Variants in CFAP54 observed in about 807,000 individuals in gnomAD.
The protein encoded by CFAP54 is cilia- and flagella-associated protein 54.
Under a neutral mutation model 370.4 loss-of-function variants are expected in CFAP54, and 290 were observed. The observed-to-expected ratio is 0.78, with a 90% CI of 0.71 to 0.86. The LOEUF is 0.86. CFAP54 is among the 40% of genes least tolerant of loss of function. The probability of loss-of-function intolerance (pLI) is 0.00; values close to 1 mark genes in which losing one functional copy is unlikely to be tolerated. For missense variants in CFAP54, 3,399 were observed against 3,528.7 expected, an observed-to-expected ratio of 0.96 and a Z score of 0.93; for synonymous variants, 1,206 against 1,236.5, an observed-to-expected ratio of 0.98 and a Z score of 0.52.
intron 63 of CFAP54, among the ~76,000 whole-genome samples, chr12:96,809,968 T>C (rs1483122419): frequency 2.6e-5 from 4 of 152,162 alleles, no homozygotes; most frequent in African/African-American, 9.7e-5. Context: ...ACCTGAGCGT[T>C]GTACCTAACG....
At chr12:96,746,353 T>G (rs1958114293) in intron 55 of CFAP54, among the ~76,000 whole-genome samples, 1 of 152,166 alleles carries the variant, frequency 6.6e-6, no homozygotes, top group Admixed American at 6.5e-5. Flanking sequence ...CTCTTCCTCT[T>G]CTTTCCTCCC....
intron 14 of CFAP54, among the ~76,000 whole-genome samples, chr12:96,547,412 C>G (rs1955651711): frequency 6.6e-6 from 1 of 152,100 alleles, no homozygotes; most frequent in African/African-American, 2.4e-5. Context: ...GTCTTGAACT[C>G]CTGACCTCAG....
intron 47 of CFAP54, among the ~76,000 whole-genome samples, chr12:96,705,725 T>G (rs1957539939): frequency 6.6e-6 from 1 of 152,220 alleles, no homozygotes; most frequent in South Asian, 2.1e-4. Flanking sequence ...GTACCGTTGG[T>G]CTGCTTAAGA....
chr12:96,578,162 G>T (rs1191817591), intron 20 of CFAP54, among the ~76,000 whole-genome samples: 1 of 152,206 alleles, frequency 6.6e-6, no homozygotes, highest in African/African-American at 2.4e-5. Flanking sequence ...CCTGTAATCT[G>T]TCAAGCTCTG....
chr12:96,793,234 T>C (rs1958721658), intron 63 of CFAP54, among the ~76,000 whole-genome samples: 1 of 152,172 alleles, frequency 6.6e-6, no homozygotes, highest in African/African-American at 2.4e-5. Flanking sequence ...ATCATTCTTA[T>C]ACATTTGCAT....
chr12:96,734,965 TTGA>T, intron 50 of CFAP54, among the ~76,000 whole-genome samples: 1 of 152,312 alleles, frequency 6.6e-6, no homozygotes, highest in East Asian at 1.9e-4. Flanking sequence ...AAAGAGACTG[TTGA>T]TAAATGGTCA....
chr12:96,825,238 G>C (rs561223325), intron 65 of CFAP54, among the ~76,000 whole-genome samples: 16 of 116,910 alleles, frequency 1.4e-4, no homozygotes, highest in Non-Finnish European at 2.7e-4. Context: ...CCCACATCTA[G>C]GATCCTAGAT....
chr12:96,827,844 A>AT (rs1959138512), intron 65 of CFAP54, among the ~76,000 whole-genome samples: 1 of 112,676 alleles, frequency 8.9e-6, no homozygotes, highest in Non-Finnish European at 1.7e-5. Context: ...TATAATATAT[A>AT]ATTATATATA....
intron 12 of CFAP54, among the ~76,000 whole-genome samples, chr12:96,536,987 ACAATT>A (rs78301597): frequency 0.1 from 15,343 of 147,460 alleles, 1,260 homozygotes; most frequent in East Asian, 0.45. Flanking sequence ...TCAATTCAAT[ACAATT>A]CAATTCAATT....
chr12:96,493,633 C>T (rs973762325), intron 1 of CFAP54, among the ~76,000 whole-genome samples: 1 of 152,116 alleles, frequency 6.6e-6, no homozygotes, highest in Non-Finnish European at 1.5e-5. Flanking sequence ...CCTGTCTCTA[C>T]TAAAAATACA....
chr12:96,571,716 T>C (rs1261364826), intron 19 of CFAP54, among the ~76,000 whole-genome samples: 1 of 151,806 alleles, frequency 6.6e-6, no homozygotes, highest in Non-Finnish European at 1.5e-5. Flanking sequence ...GAATTTTTCC[T>C]TCTTGATTTT....
intron 66 of CFAP54, among the ~76,000 whole-genome samples, chr12:96,856,196 TGAA>T (rs1959699540): frequency 6.6e-6 from 1 of 152,162 alleles, no homozygotes; most frequent in Non-Finnish European, 1.5e-5. Flanking sequence ...ACCCGGCCCC[TGAA>T]GCCATTTTTC....
Position 96,730,709 on chromosome 12 carries a change from G to A in CFAP54, c.6966-9247G>A, listed in dbSNP as rs114125608. On this transcript the variant is annotated intron_variant, in intron 50 of 67. Transcript: ENST00000524981. ...GAGTTGCATTTAAGACTTTTAGACT[G>A]TCATTCTCTTTAAACAGGAGAATCC... Among the ~76,000 whole-genome samples the A allele has an allele frequency of 4.3e-3, 657 of 152,222 alleles. 5 individuals carry two copies. Among genetic ancestry groups the A allele is most frequent in the African/African-American group, 0.015 (629 of 41,542 alleles).
chr12:96,764,382 GGAGGCT>G (rs1448359016), intron 59 of CFAP54, 133 bp downstream of exon 59: 5 of 590,132 alleles, frequency 8.5e-6, no homozygotes, highest in African/African-American at 7.7e-5. Flanking sequence ...CAGCACTTTG[GGAGGCT>G]GAGGCAGGAG....
At chr12:96,725,856 A>G (rs2136617641) in intron 50 of CFAP54, among the ~76,000 whole-genome samples, 1 of 151,596 alleles carries the variant, frequency 6.6e-6, no homozygotes, top group South Asian at 2.1e-4. Context: ...TCCCATCAAT[A>G]CCTAATTTAT....
intron 55 of CFAP54, among the ~76,000 whole-genome samples, chr12:96,750,341 T>C (rs1402990249): frequency 6.6e-6 from 1 of 152,152 alleles, no homozygotes; most frequent in Non-Finnish European, 1.5e-5. Flanking sequence ...TTGGATTAGA[T>C]TGGGAAAGGG....
chr12:96,557,908 A>C lies in CFAP54; in HGVS notation c.2410+3106A>C, dbSNP rs78888101. Among the ~76,000 whole-genome samples the C allele has an allele frequency of 7.1e-3, 1,081 of 152,276 alleles. 31 individuals carry two copies. Among genetic ancestry groups the C allele is most frequent in the East Asian group, 0.056 (288 of 5,180 alleles). On this transcript the variant is annotated intron_variant, in intron 17 of 67. Coordinates refer to ENST00000524981, the MANE Select transcript of CFAP54 (RefSeq NM_001306084.2). ...TAGTTATCAGGTATGCAGGTAGTCC[A>C]TAAAGTCTGGAAACATAGACATATG...
chr12:96,612,655 G>T (rs558674222), intron 26 of CFAP54, among the ~76,000 whole-genome samples: 1 of 152,170 alleles, frequency 6.6e-6, no homozygotes, highest in Admixed American at 6.5e-5. Context: ...TCTCACATGC[G>T]GAGACCACAC....
chr12:96,527,001 T>G (rs996263028), intron 8 of CFAP54, among the ~76,000 whole-genome samples: 2 of 149,438 alleles, frequency 1.3e-5, no homozygotes, highest in Non-Finnish European at 3.0e-5. Context: ...GCTCAGGTGA[T>G]CCTCCCACCT....
Sources: gnomAD v4.1 joint callset for allele counts (sites outside exome capture counted in the v4.1 genomes callset) on GRCh38, gnomAD v4.1.1 for gene constraint, MANE v1.5 for transcripts, NCBI Gene and HGNC (gene_info 2026-07-23, HGNC 2026-07-21) for gene names.